The following STARD9 variants were observed in gnomAD, a reference collection of about 807,000 sequenced individuals.
The protein encoded by STARD9 is stAR-related lipid transfer protein 9.
STARD9 carries 346 observed loss-of-function variants against 399.8 expected under a neutral mutation model. That is an observed-to-expected ratio of 0.87 (90% CI 0.79 to 0.95). STARD9 has a LOEUF of 0.95. Ranked by LOEUF, STARD9 falls within the 40% of genes least tolerant of loss-of-function variation. The pLI, the probability that STARD9 is intolerant of heterozygous loss-of-function variation, is 0.00. For missense variants in STARD9, 5,832 were observed against 5,667.5 expected (o/e 1.03, Z -0.93); for synonymous variants, 2,203 against 2,143.5 (o/e 1.03, Z -0.77).
intron 28 of STARD9, 28 bp downstream of exon 28, chr15:42,717,076 C>T: frequency 6.5e-7 from 1 of 1,536,744 alleles, no homozygotes; most frequent in East Asian, 2.4e-5. Flanking sequence ...CCCATCCCTA[C>T]CATTCCTTTA....
intron 3 of STARD9, among the ~76,000 whole-genome samples, chr15:42,607,639 C>G: frequency 7.4e-6 from 1 of 135,744 alleles, no homozygotes; most frequent in African/African-American, 2.8e-5. Flanking sequence ...ATATTATACA[C>G]ACACACACTT....
intron 7 of STARD9, among the ~76,000 whole-genome samples, chr15:42,647,000 T>A (rs1013997655): frequency 6.6e-6 from 1 of 152,190 alleles, no homozygotes; most frequent in East Asian, 1.9e-4. Context: ...TCAGAACATA[T>A]ACATTTATCA....
At chr15:42,586,181 T>C (rs142498831) in intron 3 of STARD9, among the ~76,000 whole-genome samples, 5 of 152,300 alleles carry the variant, frequency 3.3e-5, no homozygotes, top group African/African-American at 9.6e-5. Flanking sequence ...CTATGATAGG[T>C]GAACAGCCAT....
intron 3 of STARD9, among the ~76,000 whole-genome samples, chr15:42,611,542 A>G (rs995845296): frequency 1.3e-5 from 2 of 152,146 alleles, no homozygotes; most frequent in Admixed American, 1.3e-4. Context: ...GGTTTTGCCT[A>G]TGACTAGATA....
At chr15:42,640,739 T>G (rs573571482) in intron 7 of STARD9, among the ~76,000 whole-genome samples, 4 of 141,228 alleles carry the variant, frequency 2.8e-5, no homozygotes. Context: ...GAGAATCGCT[T>G]GAACCTGGAG....
At chr15:42,599,011 C>T (rs2058571399) in intron 3 of STARD9, among the ~76,000 whole-genome samples, 1 of 152,126 alleles carries the variant, frequency 6.6e-6, no homozygotes, top group Non-Finnish European at 1.5e-5. Context: ...GCAACCTCCG[C>T]CTCCCAGGTT....
chr15:42,710,057 CTT>C (rs1218850356), intron 26 of STARD9, among the ~76,000 whole-genome samples: 7,019 of 119,690 alleles, frequency 0.059, 330 homozygotes, highest in African/African-American at 0.17. Flanking sequence ...CATGCCCTGT[CTT>C]TTTTTTTTTT....
chr15:42,702,392 C>T (rs1595807773), intron 26 of STARD9, among the ~76,000 whole-genome samples: 1 of 151,970 alleles, frequency 6.6e-6, no homozygotes, highest in South Asian at 2.1e-4. Flanking sequence ...TTAGTAGAGA[C>T]GGGGTTTCGC....
chr15:42,585,770 T>G (rs974478170), intron 3 of STARD9, 133 bp downstream of exon 3: 1 of 485,512 alleles, frequency 2.1e-6, no homozygotes, highest in Non-Finnish European at 3.5e-6. Context: ...TAATTGGTAC[T>G]TTAAGAAAAC....
chr15:42,581,616 T>C, intron 1 of STARD9: 2 of 662,480 alleles, frequency 3.0e-6, no homozygotes, highest in Non-Finnish European at 5.2e-6. Context: ...TCTAGTTCCC[T>C]CGTCTGGCTC....
intron 3 of STARD9, among the ~76,000 whole-genome samples, chr15:42,618,920 T>A (rs1382172269): frequency 2.6e-5 from 4 of 152,172 alleles, no homozygotes; most frequent in African/African-American, 4.8e-5. Context: ...CCCCAGATAT[T>A]TTTTTTAATC....
chr15:42,625,026 A>G (rs1256196419), intron 3 of STARD9, among the ~76,000 whole-genome samples: 2 of 152,042 alleles, frequency 1.3e-5, no homozygotes, highest in African/African-American at 4.8e-5. Flanking sequence ...CATCATAGAC[A>G]TTTAAAGCTA....
chr15:42,667,546 A>G (rs1000504800), intron 15 of STARD9, among the ~76,000 whole-genome samples: 1 of 149,904 alleles, frequency 6.7e-6, no homozygotes, highest in South Asian at 2.1e-4. Context: ...CAATGGTGTA[A>G]TCTCGGCTCG....
At chr15:42,604,357 C>T (rs2058688740) in intron 3 of STARD9, among the ~76,000 whole-genome samples, 1 of 152,174 alleles carries the variant, frequency 6.6e-6, no homozygotes, top group East Asian at 1.9e-4. Context: ...CTACCTCGTT[C>T]ATTCATTCAG....
chr15:42,681,914 C>A (rs958392028), intron 21 of STARD9, among the ~76,000 whole-genome samples, 190 bp from the exon 22 acceptor site: 2 of 152,094 alleles, frequency 1.3e-5, no homozygotes, highest in African/African-American at 2.4e-5. Flanking sequence ...GTGCTGAGTC[C>A]TGAGGGTCTT....
chr15:42,598,419 G>T (rs1287963259), intron 3 of STARD9, among the ~76,000 whole-genome samples: 1 of 151,506 alleles, frequency 6.6e-6, no homozygotes, highest in African/African-American at 2.4e-5. Flanking sequence ...CTCACTCTGA[G>T]ATTATAAATG....
chr15:42,707,940 G>T (rs149905549), intron 26 of STARD9, among the ~76,000 whole-genome samples: 2 of 151,308 alleles, frequency 1.3e-5, no homozygotes, highest in African/African-American at 4.9e-5. Flanking sequence ...TTGGGAGGCT[G>T]AGGCAGGAGG....
chr15:42,682,287 T>A lies in STARD9; in HGVS notation c.2249T>A (p.Leu750His). 6.5e-7 allele frequency: 1 copy of A among 1,537,164 alleles called. No homozygotes were observed. Among genetic ancestry groups the A allele is most frequent in the Non-Finnish European group, 8.7e-7 (1 of 1,146,892 alleles). ...QSQKRVVHLQ[L>H]LRRHTLRAAE... ...CAGAAAAGGGTGGTGCACCTGCAGC[T>A]CCTGCGGAGACACACTCTTCGGGCA... is the stretch of plus-strand genomic sequence containing the variant. Residue 750 changes from leucine (L) to histidine (H), a missense_variant, in exon 22 of 33, where the codon CTC becomes CAC. Transcript: ENST00000290607.
At chr15:42,676,417 C>T (rs2060312959) in intron 20 of STARD9, among the ~76,000 whole-genome samples, 1 of 152,164 alleles carries the variant, frequency 6.6e-6, no homozygotes, top group African/African-American at 2.4e-5. Flanking sequence ...ATGGCTTTCT[C>T]TGAGTTTTTA....
Sources: gnomAD v4.1 joint callset for allele counts (sites outside exome capture counted in the v4.1 genomes callset) on GRCh38, gnomAD v4.1.1 for gene constraint, MANE v1.5 for transcripts, NCBI Gene and HGNC (gene_info 2026-07-23, HGNC 2026-07-21) for gene names.